Variants in GRIP1 observed in about 807,000 individuals in gnomAD.
GRIP1 encodes glutamate receptor interacting protein 1.
Under a neutral mutation model 129.9 loss-of-function variants are expected in GRIP1, and 45 were observed. The observed-to-expected ratio is 0.35, with a 90% CI of 0.27 to 0.44. The LOEUF is 0.44. GRIP1 is among the 20% of genes least tolerant of loss of function. The pLI, the probability that GRIP1 is intolerant of heterozygous loss-of-function variation, is 1.00. For missense variants in GRIP1, 1,196 were observed against 1,396.8 expected (o/e 0.86, Z 2.29); for synonymous variants, 530 against 520.8 (o/e 1.02, Z -0.24).
chr12:66,997,077 G>A (rs1003205995), intron 1 of GRIP1, among the ~76,000 whole-genome samples: 1 of 152,040 alleles, frequency 6.6e-6, no homozygotes, highest in African/African-American at 2.4e-5. Context: ...CTCCAAAACC[G>A]GACCTGGTGA....
intron 1 of GRIP1, among the ~76,000 whole-genome samples, chr12:66,969,952 T>C (rs898241647): frequency 6.6e-6 from 1 of 152,216 alleles, no homozygotes; most frequent in Non-Finnish European, 1.5e-5. Context: ...ATCTACTTTT[T>C]CTATTAGAGC....
intron 1 of GRIP1, among the ~76,000 whole-genome samples, chr12:66,704,169 AT>A (rs1395511984): frequency 3.3e-5 from 5 of 152,148 alleles, no homozygotes; most frequent in Non-Finnish European, 7.4e-5. Flanking sequence ...AAACATCAAA[AT>A]AAACTTTAGT....
intron 2 of GRIP1, among the ~76,000 whole-genome samples, chr12:66,578,823 G>A (rs561721438): frequency 3.3e-5 from 5 of 152,310 alleles, no homozygotes; most frequent in South Asian, 2.1e-4. Context: ...TCCACCTCTC[G>A]GGGCAGGGCA....
chr12:66,774,328 A>C (rs1395513515), intron 1 of GRIP1, among the ~76,000 whole-genome samples: 2 of 152,204 alleles, frequency 1.3e-5, no homozygotes, highest in African/African-American at 2.4e-5. Context: ...CAAAGCTCTT[A>C]AAGTTGCCAT....
intron 4 of GRIP1, among the ~76,000 whole-genome samples, chr12:66,538,829 C>T (rs1017831614): frequency 3.9e-5 from 6 of 152,026 alleles, no homozygotes; most frequent in African/African-American, 1.4e-4. Flanking sequence ...TCTCGAACCA[C>T]TGGGCTCAAG....
At chr12:66,498,670 A>T (rs2060305591) in intron 7 of GRIP1, among the ~76,000 whole-genome samples, 1 of 152,090 alleles carries the variant, frequency 6.6e-6, no homozygotes, top group Non-Finnish European at 1.5e-5. Context: ...CTCAGTTTTG[A>T]CTTTGACACT....
chr12:66,834,795 T>C (rs774466914), intron 1 of GRIP1, among the ~76,000 whole-genome samples: 1 of 151,862 alleles, frequency 6.6e-6, no homozygotes, highest in Non-Finnish European at 1.5e-5. Context: ...AAAGAAAGAA[T>C]TGCCTATAGA....
At chr12:66,737,716 AT>A (rs911824663) in intron 1 of GRIP1, among the ~76,000 whole-genome samples, 5 of 151,210 alleles carry the variant, frequency 3.3e-5, no homozygotes, top group South Asian at 2.1e-4. Flanking sequence ...TCTTGCACTC[AT>A]TTTTTTTTAC....
chr12:66,541,486 C>A (rs2061779385), intron 3 of GRIP1, among the ~76,000 whole-genome samples: 1 of 152,204 alleles, frequency 6.6e-6, no homozygotes, highest in South Asian at 2.1e-4. Flanking sequence ...TGGAGTGTCT[C>A]CTTCCCACTG....
intron 1 of GRIP1, among the ~76,000 whole-genome samples, chr12:66,695,830 G>A (rs1307520632): frequency 6.6e-6 from 1 of 152,146 alleles, no homozygotes; most frequent in East Asian, 1.9e-4. Flanking sequence ...CTATCAGTAG[G>A]ATGTGTGGAT....
chr12:66,471,893 A>G (rs540909537), intron 7 of GRIP1, among the ~76,000 whole-genome samples: 15 of 152,192 alleles, frequency 9.9e-5, no homozygotes, highest in Non-Finnish European at 1.9e-4. Context: ...ACATGATCTA[A>G]AGGTGGATCC....
At chr12:66,354,071 G>A (rs2054361350) in intron 23 of GRIP1, among the ~76,000 whole-genome samples, 1 of 152,146 alleles carries the variant, frequency 6.6e-6, no homozygotes, top group South Asian at 2.1e-4. Flanking sequence ...AACCCCCAAT[G>A]AGCACCATCA....
At chr12:66,477,217 A>C (rs2059644180) in intron 7 of GRIP1, among the ~76,000 whole-genome samples, 1 of 152,202 alleles carries the variant, frequency 6.6e-6, no homozygotes. Context: ...AATCACAAGC[A>C]TTCCTCTACA....
intron 2 of GRIP1, among the ~76,000 whole-genome samples, chr12:66,558,332 C>T (rs1410974045): frequency 6.6e-6 from 1 of 151,960 alleles, no homozygotes; most frequent in Non-Finnish European, 1.5e-5. Context: ...ATGAGAGAGC[C>T]AAGCAAAAAG....
chr12:67,068,779 G>T (rs1357424260), intron 1 of GRIP1, among the ~76,000 whole-genome samples: 9 of 114,244 alleles, frequency 7.9e-5, no homozygotes, highest in Non-Finnish European at 1.4e-4. Context: ...CTACATCCTC[G>T]CCAGAAAAAA....
chr12:66,777,849 A>T (rs1389914472), intron 1 of GRIP1, among the ~76,000 whole-genome samples: 2 of 152,188 alleles, frequency 1.3e-5, no homozygotes, highest in Non-Finnish European at 2.9e-5. Flanking sequence ...ATGCAGAAAT[A>T]CAGGAAGTCT....
intron 1 of GRIP1, among the ~76,000 whole-genome samples, chr12:66,714,405 C>T (rs1327209427): frequency 2.6e-5 from 4 of 151,996 alleles, no homozygotes; most frequent in African/African-American, 9.7e-5. Flanking sequence ...TATAAACTGG[C>T]ATAATGATCA....
At chr12:66,692,542 T>C (rs1473351817) in intron 1 of GRIP1, among the ~76,000 whole-genome samples, 1 of 151,912 alleles carries the variant, frequency 6.6e-6, no homozygotes, top group African/African-American at 2.4e-5. Flanking sequence ...TTGGAGGAGA[T>C]TTAAAAAAAA....
chr12:66,455,784 C>G lies in GRIP1; in HGVS notation c.1199-220G>C, dbSNP rs531297586. ...CAGGATCTTTATAAGCTCATAGGAA[C>G]ACAAAGAGACTCTGTGAGAATTGCT... is the stretch of plus-strand genomic sequence containing the variant. On this transcript the variant is annotated intron_variant, in intron 10 of 24. Transcript: ENST00000359742. 3.9e-5 allele frequency among the ~76,000 whole-genome samples: 6 copies of G among 152,302 alleles called. No homozygotes were observed. The South Asian group carries it at 1.2e-3, about 32-fold the overall frequency.
Sources: allele counts gnomAD v4.1 joint callset (sites outside exome capture counted in the v4.1 genomes callset), GRCh38; gene constraint gnomAD v4.1.1; transcripts MANE v1.5; gene names NCBI Gene and HGNC (gene_info 2026-07-23, HGNC 2026-07-21).